The following LHX8 variants were observed in gnomAD, a reference collection of about 807,000 sequenced individuals.
The protein encoded by LHX8 is LIM homeobox 8.
A neutral mutation model predicts 40.3 loss-of-function variants in LHX8; 12 were observed. The ratio of observed to expected loss-of-function variants is 0.30; its 90% CI spans 0.19 to 0.48. The LOEUF is 0.48. LHX8 is among the 20% of genes least tolerant of loss of function. The pLI is 0.99. For synonymous variants in LHX8, 179 were observed against 162.0 expected (o/e 1.10, Z -0.80); for missense variants, 344 against 433.7 (o/e 0.79, Z 1.84).
At chr1:75,165,383 T>C (rs1649011062), downstream of LHX8, among the ~76,000 whole-genome samples, 1 of 152,134 alleles carries the variant, frequency 6.6e-6, no homozygotes, top group Admixed American at 6.5e-5. Context: ...AATTAACAAA[T>C]TTCCCCCAGT....
At chr1:75,142,741 C>G (rs1648348995) in intron 4 of LHX8, among the ~76,000 whole-genome samples, 1 of 152,008 alleles carries the variant, frequency 6.6e-6, no homozygotes, top group African/African-American at 2.4e-5. Context: ...CTTCAGCATA[C>G]TTTTGCACTT....
chr1:75,136,550 G>T, intron 1 of LHX8, 53 bp from the exon 2 acceptor site: 3 of 1,330,696 alleles, frequency 2.3e-6, no homozygotes, highest in East Asian at 2.5e-5. Context: ...CGGGCAGCAC[G>T]CTCGGAACTT....
At chr1:75,131,189 C>G, upstream of LHX8, 1 of 220,436 alleles carries the variant, frequency 4.5e-6, no homozygotes, top group Non-Finnish European at 9.3e-6. Flanking sequence ...CTCCACAGGT[C>G]TGACCCAGGC....
the LHX8 span, among the ~76,000 whole-genome samples, chr1:75,189,846 C>T: frequency 9.2e-5 from 14 of 152,190 alleles, no homozygotes; most frequent in Non-Finnish European, 8.8e-5. Flanking sequence ...TTTGTTAATT[C>T]TAACACTAAT....
At chr1:75,144,655 C>T (rs867174703) in intron 6 of LHX8, among the ~76,000 whole-genome samples, 28 of 152,056 alleles carry the variant, frequency 1.8e-4, no homozygotes, top group Middle Eastern at 3.4e-3. Flanking sequence ...CTTTATAAAC[C>T]TATATAATGA....
the LHX8 span, among the ~76,000 whole-genome samples, chr1:75,173,079 C>G: frequency 1.3e-5 from 2 of 152,156 alleles, no homozygotes; most frequent in Non-Finnish European, 2.9e-5. Context: ...TATGCTCAAC[C>G]TGTTCTGGGA....
At chr1:75,195,910 C>T in the LHX8 span, among the ~76,000 whole-genome samples, 2 of 152,132 alleles carry the variant, frequency 1.3e-5, no homozygotes, top group Non-Finnish European at 2.9e-5. Context: ...ATGAAGTATT[C>T]TCTCACCTCA....
intron 7 of LHX8, among the ~76,000 whole-genome samples, chr1:75,155,468 T>C (rs1648736219): frequency 6.6e-6 from 1 of 152,096 alleles, no homozygotes; most frequent in Admixed American, 6.6e-5. Context: ...TCTCCTGACC[T>C]TGTGATTCGC....
At chr1:75,138,332 G>T (rs577142939) in intron 3 of LHX8, among the ~76,000 whole-genome samples, 3 of 152,130 alleles carry the variant, frequency 2.0e-5, no homozygotes, top group Non-Finnish European at 4.4e-5. Flanking sequence ...CAAAATTCGT[G>T]TTAGTGGGTT....
chr1:75,138,265 A>C (rs1345052129), intron 3 of LHX8, among the ~76,000 whole-genome samples: 1 of 152,098 alleles, frequency 6.6e-6, no homozygotes, highest in Non-Finnish European at 1.5e-5. Flanking sequence ...TTCACTTTCT[A>C]TTCTCTCCCC....
chr1:75,175,650 ATTATT>A, the LHX8 span, among the ~76,000 whole-genome samples: 70 of 151,376 alleles, frequency 4.6e-4, no homozygotes, highest in Admixed American at 2.7e-3. Flanking sequence ...TTTTGATGGG[ATTATT>A]TTATTTTATT....
the LHX8 span, among the ~76,000 whole-genome samples, chr1:75,175,017 C>T: frequency 0.051 from 7,718 of 152,208 alleles, 212 homozygotes; most frequent in Middle Eastern, 0.092. Context: ...TACGCTTTTG[C>T]GTCCTCATAG....
chr1:75,150,455 C>G (rs1648575257), intron 7 of LHX8, among the ~76,000 whole-genome samples: 1 of 151,968 alleles, frequency 6.6e-6, no homozygotes, highest in Non-Finnish European at 1.5e-5. Context: ...TAGATAAGAT[C>G]CTTTAGAAAG....
chr1:75,143,418 T>A, intron 5 of LHX8, 80 bp downstream of exon 5: 1 of 977,092 alleles, frequency 1.0e-6, no homozygotes, highest in Non-Finnish European at 1.5e-6. Flanking sequence ...AAGGTCATCT[T>A]AATGCATTAT....
downstream of LHX8, among the ~76,000 whole-genome samples, chr1:75,165,552 G>A (rs887268869): frequency 8.0e-4 from 122 of 152,126 alleles, no homozygotes; most frequent in African/African-American, 2.6e-3. Context: ...GGGATGGACT[G>A]TGTATGGGCA....
intron 6 of LHX8, 24 bp from the exon 7 acceptor site, chr1:75,148,563 C>G: frequency 6.5e-7 from 1 of 1,545,144 alleles, no homozygotes; most frequent in Non-Finnish European, 8.9e-7. Flanking sequence ...TAGCTATTTA[C>G]TACATACATG....
At position 75,154,957 on chromosome 1, in the gene LHX8, G is replaced by A. The variant is rs185713078; in HGVS notation, c.781-1936G>A. Among the ~76,000 whole-genome samples, 194 of 152,258 alleles carry A rather than the reference G, an allele frequency of 1.3e-3. 1 individual carries two copies. Among genetic ancestry groups the A allele is most frequent in the Middle Eastern group, 6.8e-3 (2 of 294 alleles). The stretch of plus-strand genomic sequence containing the variant: ...TCTATTTTTGAATGCCAGGGGCAGG[G>A]TGTAGTTCTGAAGTAAGGCCAGCTT... On this transcript the variant is annotated intron_variant, in intron 7 of 8. Transcript: ENST00000356261.
At chr1:75,195,457 T>G in the LHX8 span, among the ~76,000 whole-genome samples, 1 of 152,248 alleles carries the variant, frequency 6.6e-6, no homozygotes, top group Middle Eastern at 3.4e-3. Flanking sequence ...TTATTCTACC[T>G]TATGGGTTAC....
chr1:75,162,014 A>G (rs1235032799), downstream of LHX8, among the ~76,000 whole-genome samples: 2 of 152,042 alleles, frequency 1.3e-5, no homozygotes, highest in African/African-American at 4.8e-5. Context: ...TTGTCTTTTT[A>G]TATGCCAGTT....
Sources: allele counts gnomAD v4.1 joint callset (sites outside exome capture counted in the v4.1 genomes callset), GRCh38; gene constraint gnomAD v4.1.1; transcripts MANE v1.5; gene names NCBI Gene and HGNC (gene_info 2026-07-23, HGNC 2026-07-21).